Variants in FBXO27 observed in about 807,000 individuals in gnomAD.
FBXO27 encodes F-box only protein 27.
In FBXO27, 28 loss-of-function variants were observed where a neutral mutation model predicts 28.3. That is an observed-to-expected ratio of 0.99 (90% CI 0.73 to 1.36). The LOEUF (loss-of-function observed/expected upper bound fraction) is 1.36. Among genes scored for constraint, FBXO27 ranks in the 40% most tolerant of loss-of-function variants. The pLI, the probability that FBXO27 is intolerant of heterozygous loss-of-function variation, is 0.00. For missense variants in FBXO27, 388 were observed against 394.1 expected, an observed-to-expected ratio of 0.98 and a Z score of 0.13; for synonymous variants, 175 against 167.3, an observed-to-expected ratio of 1.05 and a Z score of -0.36.
downstream of FBXO27, among the ~76,000 whole-genome samples, chr19:39,020,046 C>T (rs968169465): frequency 7.2e-5 from 11 of 152,186 alleles, no homozygotes; most frequent in Admixed American, 2.6e-4. Flanking sequence ...AGCCACACCT[C>T]GCCTGGTCAT....
chr19:39,026,793 C>A, intron 5 of FBXO27, 77 bp downstream of exon 5: 4 of 1,592,360 alleles, frequency 2.5e-6, no homozygotes, highest in Non-Finnish European at 3.4e-6. Flanking sequence ...GATTTTAAGC[C>A]ACTAAGTTTT....
chr19:39,031,155 C>T, intron 3 of FBXO27, 31 bp from the exon 4 acceptor site: 1 of 1,611,218 alleles, frequency 6.2e-7, no homozygotes, highest in South Asian at 1.1e-5. Context: ...GTAATGAGAA[C>T]AGGCAGGCCT....
downstream of FBXO27, among the ~76,000 whole-genome samples, chr19:39,022,360 T>C (rs2072849860): frequency 6.6e-6 from 1 of 151,880 alleles, no homozygotes; most frequent in Non-Finnish European, 1.5e-5. Context: ...AGGCTGGTCT[T>C]GAACTCCTGG....
intron 2 of FBXO27, among the ~76,000 whole-genome samples, chr19:39,007,237 C>T (rs1297454344): frequency 1.3e-5 from 2 of 152,090 alleles, no homozygotes; most frequent in Non-Finnish European, 2.9e-5. Flanking sequence ...GTTGCCAGAC[C>T]AGTCCAAACG....
chr19:39,028,477 G>A (rs1013447128), intron 4 of FBXO27, among the ~76,000 whole-genome samples: 4 of 152,166 alleles, frequency 2.6e-5, no homozygotes, highest in Admixed American at 6.6e-5. Context: ...GCTCACACCT[G>A]TAATCCCAGC....
At chr19:39,007,537 T>G (rs1287792209) in intron 2 of FBXO27, among the ~76,000 whole-genome samples, 1 of 152,088 alleles carries the variant, frequency 6.6e-6, no homozygotes, top group East Asian at 1.9e-4. Flanking sequence ...AGGGGAAAGT[T>G]CTCGGGAGTA....
At position 39,027,025 on chromosome 19, in the gene FBXO27, T is replaced by C; in HGVS notation, c.573-20A>G. On this transcript the variant is annotated intron_variant, in intron 4 of 5. Coordinates refer to ENST00000292853, the MANE Select transcript of FBXO27 (RefSeq NM_178820.5). ...CCCCACCTGTGGGAGGAAGGAGCCA[T>C]GAAGGCTGGACCTGCCACCCCATCT... 1 of 1,613,800 alleles carries C rather than the reference T, an allele frequency of 6.2e-7. No homozygotes were observed. Among genetic ancestry groups the C allele is most frequent in the Non-Finnish European group, 8.5e-7 (1 of 1,179,806 alleles).
intron 2 of FBXO27, among the ~76,000 whole-genome samples, chr19:39,005,858 T>C (rs1975731711): frequency 6.6e-6 from 1 of 152,164 alleles, no homozygotes; most frequent in Non-Finnish European, 1.5e-5. Flanking sequence ...AAGAATGGGA[T>C]ATTTACAGTG....
chr19:39,012,190 T>TTC (rs1174950579), intron 2 of FBXO27, among the ~76,000 whole-genome samples: 1 of 144,718 alleles, frequency 6.9e-6, no homozygotes, highest in Non-Finnish European at 1.5e-5. Flanking sequence ...TTATTAACCT[T>TTC]TTTTTTTTTT....
chr19:39,020,867 T>C (rs953580197), downstream of FBXO27, among the ~76,000 whole-genome samples: 4 of 149,672 alleles, frequency 2.7e-5, no homozygotes, highest in Non-Finnish European at 5.9e-5. Flanking sequence ...TTTTTTTTTT[T>C]TCCCTGAGAT....
At chr19:39,026,841 C>A in intron 5 of FBXO27, 29 bp downstream of exon 5, 1 of 1,613,122 alleles carries the variant, frequency 6.2e-7, no homozygotes. Flanking sequence ...CCCCAGCATC[C>A]TTTCCCCAAA....
intron 1 of FBXO27, among the ~76,000 whole-genome samples, chr19:39,018,081 A>T (rs1179831300): frequency 6.6e-6 from 1 of 152,136 alleles, no homozygotes; most frequent in Non-Finnish European, 1.5e-5. Context: ...CCCGGGTTCA[A>T]GCAATCCTCC....
chr19:39,031,852 C>T lies in FBXO27; in HGVS notation c.364+12G>A, dbSNP rs754987183. 6.8e-7 allele frequency: 1 copy of T among 1,469,670 alleles called. No homozygotes were observed. The highest frequency in any genetic ancestry group is 1.5e-5 in the African/African-American group (1 of 68,132). The allele number at this position is 1,469,670 out of a possible 1,614,324, so 91.0% of individuals were successfully genotyped here. On this transcript the variant is annotated intron_variant, in intron 2 of 5. Coordinates refer to ENST00000292853, the MANE Select transcript of FBXO27 (RefSeq NM_178820.5). ...GGCCCAGCATCCTGGACTTCCTCTT[C>T]CGAGATCCCACCTTGGCCGCAGGGG...
At chr19:39,011,215 G>A (rs893572239) in intron 2 of FBXO27, among the ~76,000 whole-genome samples, 9 of 152,198 alleles carry the variant, frequency 5.9e-5, no homozygotes, top group Non-Finnish European at 1.3e-4. Flanking sequence ...CGGACCACCC[G>A]AGGTCAGGAG....
intron 2 of FBXO27, 121 bp from the exon 3 acceptor site, chr19:39,031,441 A>G: frequency 1.4e-6 from 1 of 737,364 alleles, no homozygotes; most frequent in South Asian, 1.7e-5. Flanking sequence ...GACCCTTCCC[A>G]CCGAGGCCCC....
chr19:39,014,949 T>C (rs1427436924), intron 1 of FBXO27, among the ~76,000 whole-genome samples: 1 of 147,986 alleles, frequency 6.8e-6, no homozygotes, highest in Non-Finnish European at 1.5e-5. Context: ...ACCTGGAAGA[T>C]GGAGTTTGCA....
At chr19:39,028,023 T>G (rs2072882545) in intron 4 of FBXO27, among the ~76,000 whole-genome samples, 1 of 151,442 alleles carries the variant, frequency 6.6e-6, no homozygotes, top group Non-Finnish European at 1.5e-5. Flanking sequence ...GGTGGATCAC[T>G]TGAGGTTAGG....
intron 2 of FBXO27, among the ~76,000 whole-genome samples, chr19:39,010,619 G>A (rs1424844843): frequency 3.9e-5 from 6 of 152,310 alleles, no homozygotes; most frequent in Admixed American, 1.3e-4. Flanking sequence ...CGTTGCCATC[G>A]CAACACCAGG....
intron 2 of FBXO27, among the ~76,000 whole-genome samples, chr19:39,013,547 T>C (rs1267230360): frequency 6.7e-6 from 1 of 150,346 alleles, no homozygotes; most frequent in Non-Finnish European, 1.5e-5. Flanking sequence ...GGAGAATTGC[T>C]TGAACCCAGG....
Sources: gnomAD v4.1 joint callset for allele counts (sites outside exome capture counted in the v4.1 genomes callset) on GRCh38, gnomAD v4.1.1 for gene constraint, MANE v1.5 for transcripts, NCBI Gene and HGNC (gene_info 2026-07-23, HGNC 2026-07-21) for gene names.